EPB41L5: variants seen among roughly 807,000 people sequenced by gnomAD.
EPB41L5 encodes band 4.1-like protein 5.
A neutral mutation model predicts 106.6 loss-of-function variants in EPB41L5; 55 were observed. The observed-to-expected ratio is 0.52, with a 90% CI of 0.42 to 0.65. EPB41L5 has a LOEUF of 0.65. EPB41L5 is among the 30% of genes least tolerant of loss of function. The pLI, the probability that EPB41L5 is intolerant of heterozygous loss-of-function variation, is 0.00. For missense variants in EPB41L5, 871 were observed against 882.1 expected (o/e 0.99, Z 0.16); for synonymous variants, 297 against 306.7 (o/e 0.97, Z 0.33).
chr2:120,105,658 A>C, intron 16 of EPB41L5: 1 of 985,394 alleles, frequency 1.0e-6, no homozygotes, highest in Non-Finnish European at 1.2e-6. Context: ...CATCCTCTAA[A>C]TATAAATAGA....
intron 9 of EPB41L5, among the ~76,000 whole-genome samples, chr2:120,078,163 G>T (rs764298168): frequency 6.6e-6 from 1 of 152,074 alleles, no homozygotes; most frequent in Non-Finnish European, 1.5e-5. Flanking sequence ...CGTATCAGCA[G>T]TCTTTTCCAA....
At chr2:120,072,775 T>C (rs1681962346) in intron 3 of EPB41L5, among the ~76,000 whole-genome samples, 1 of 151,972 alleles carries the variant, frequency 6.6e-6, no homozygotes, top group Non-Finnish European at 1.5e-5. Flanking sequence ...TACTGGCGCC[T>C]GTTGGGAGGG....
intron 24 of EPB41L5, among the ~76,000 whole-genome samples, chr2:120,170,142 CTAGA>C (rs1382800984): frequency 3.3e-5 from 5 of 152,200 alleles, no homozygotes; most frequent in Non-Finnish European, 4.4e-5. Context: ...TAGCAGTTGA[CTAGA>C]TAAATATTAG....
At chr2:120,120,577 T>C (rs1337121469) in intron 16 of EPB41L5, among the ~76,000 whole-genome samples, 1 of 151,842 alleles carries the variant, frequency 6.6e-6, no homozygotes, top group Non-Finnish European at 1.5e-5. Context: ...AACATAGACA[T>C]GTAAACAGGT....
chr2:120,116,273 A>G (rs1376922501), intron 16 of EPB41L5, among the ~76,000 whole-genome samples: 1 of 152,158 alleles, frequency 6.6e-6, no homozygotes, highest in African/African-American at 2.4e-5. Flanking sequence ...TTGTATGCCC[A>G]TCAACATAGA....
At chr2:120,079,869 C>T (rs1221712246) in intron 10 of EPB41L5, among the ~76,000 whole-genome samples, 2 of 152,062 alleles carry the variant, frequency 1.3e-5, no homozygotes, top group Admixed American at 6.6e-5. Flanking sequence ...TGAGACTTCC[C>T]TTTCCTGTGT....
intron 2 of EPB41L5, among the ~76,000 whole-genome samples, chr2:120,027,216 C>G (rs548716839): frequency 2.1e-4 from 32 of 152,282 alleles, no homozygotes; most frequent in Non-Finnish European, 3.2e-4. Flanking sequence ...GAATGGAAAA[C>G]ATATTGCACA....
At chr2:120,111,118 C>G (rs1335977283) in intron 16 of EPB41L5, among the ~76,000 whole-genome samples, 1 of 152,002 alleles carries the variant, frequency 6.6e-6, no homozygotes, top group African/African-American at 2.4e-5. Flanking sequence ...ACCCGAGATC[C>G]CATGTTACAT....
intron 16 of EPB41L5, chr2:120,103,954 G>A: frequency 7.8e-7 from 1 of 1,287,132 alleles, no homozygotes; most frequent in Admixed American, 3.2e-5. Flanking sequence ...CATAGCAGCA[G>A]TGCATGCTAG....
chr2:120,167,556 A>G (rs1687470573), intron 23 of EPB41L5, 49 bp downstream of exon 23: 20 of 1,554,894 alleles, frequency 1.3e-5, no homozygotes, highest in Non-Finnish European at 1.7e-5. Context: ...CTTTCAGGGT[A>G]AGGCCTAAAG....
At chr2:120,016,493 G>A (rs1558795207) in intron 1 of EPB41L5, among the ~76,000 whole-genome samples, 3 of 151,838 alleles carry the variant, frequency 2.0e-5, no homozygotes, top group South Asian at 4.2e-4. Flanking sequence ...AAAGGCCAAC[G>A]TAGGAGGATT....
At chr2:120,067,181 A>T (rs1048066953) in intron 3 of EPB41L5, among the ~76,000 whole-genome samples, 3 of 152,238 alleles carry the variant, frequency 2.0e-5, no homozygotes, top group Non-Finnish European at 2.9e-5. Context: ...AATATTGCAT[A>T]GCATTTAAAA....
intron 20 of EPB41L5, among the ~76,000 whole-genome samples, chr2:120,154,567 T>C (rs1001429522): frequency 6.6e-6 from 1 of 152,312 alleles, no homozygotes; most frequent in African/African-American, 2.4e-5. Flanking sequence ...GCTTCAATAC[T>C]CTGCAAAACC....
intron 2 of EPB41L5, among the ~76,000 whole-genome samples, chr2:120,032,535 AT>A (rs11333635): frequency 1 from 152,018 of 152,372 alleles, 75,834 homozygotes; most frequent in Middle Eastern, 1. Context: ...ACAGAGTGAC[AT>A]TTCTGTGTGG....
chr2:120,111,568 A>G (rs1684730268), intron 16 of EPB41L5, among the ~76,000 whole-genome samples: 1 of 152,006 alleles, frequency 6.6e-6, no homozygotes, highest in Admixed American at 6.6e-5. Flanking sequence ...TTTGTCTCAC[A>G]CTCCAGATTT....
chr2:120,037,905 CAA>C (rs976085589), intron 2 of EPB41L5, among the ~76,000 whole-genome samples: 1 of 152,068 alleles, frequency 6.6e-6, no homozygotes, highest in African/African-American at 2.4e-5. Context: ...AAAGATGGCT[CAA>C]AGACATAGAG....
chr2:120,078,480 C>G lies in EPB41L5; in HGVS notation c.715-13C>G, dbSNP rs1208459399. On this transcript the variant is annotated splice_polypyrimidine_tract_variant and intron_variant, in intron 9 of 24. Transcript: ENST00000263713. ...ACAAATAAAGCTAACACATTTTTCTCCCCTTAAATTAGGCTAGAGATGGGA... is the reference window on the plus strand; with the variant it reads ...ACAAATAAAGCTAACACATTTTTCTGCCCTTAAATTAGGCTAGAGATGGGA... 6.4e-7 allele frequency: 1 copy of G among 1,559,032 alleles called. No individual in the cohort carries two copies. The highest frequency in any genetic ancestry group is 8.7e-7 in the Non-Finnish European group (1 of 1,146,528).
intron 16 of EPB41L5, among the ~76,000 whole-genome samples, chr2:120,121,232 C>G (rs1002143760): frequency 2.0e-5 from 3 of 152,166 alleles, no homozygotes; most frequent in African/African-American, 7.2e-5. Context: ...TACTTAAGTT[C>G]TAGGGCACAT....
intron 16 of EPB41L5, chr2:120,106,894 A>G: frequency 1.0e-6 from 1 of 978,034 alleles, no homozygotes; most frequent in Non-Finnish European, 1.2e-6. Context: ...ATTTACAGAG[A>G]AAAATAAATT....
Sources: gnomAD v4.1 joint callset for allele counts (sites outside exome capture counted in the v4.1 genomes callset) on GRCh38, gnomAD v4.1.1 for gene constraint, MANE v1.5 for transcripts, NCBI Gene and HGNC (gene_info 2026-07-23, HGNC 2026-07-21) for gene names.